RABGEF1: variants seen among roughly 807,000 people sequenced by gnomAD.
RABGEF1 encodes rab5 GDP/GTP exchange factor.
RABGEF1 carries 26 observed loss-of-function variants against 57.3 expected under a neutral mutation model. The observed-to-expected ratio is 0.45, with a 90% CI of 0.33 to 0.63. RABGEF1 has a LOEUF of 0.63. Among genes scored for constraint, RABGEF1 ranks in the 20% least tolerant of loss-of-function variants. The pLI is 0.02. For missense variants in RABGEF1, 464 were observed against 607.6 expected, an observed-to-expected ratio of 0.76 and a Z score of 2.48; for synonymous variants, 185 against 210.7, an observed-to-expected ratio of 0.88 and a Z score of 1.06.
chr7:66,687,188 C>T (rs1482579968), intron 1 of RABGEF1, among the ~76,000 whole-genome samples: 5 of 140,646 alleles, frequency 3.6e-5, no homozygotes, highest in Non-Finnish European at 6.0e-5. Flanking sequence ...TGCAGTTGCT[C>T]GATCTTGGCT....
chr7:66,805,734 G>T (rs567666300), intron 8 of RABGEF1, among the ~76,000 whole-genome samples: 8 of 151,482 alleles, frequency 5.3e-5, no homozygotes, highest in African/African-American at 1.9e-4. Context: ...CTGAATATTT[G>T]CCCCCTCATT....
At chr7:66,740,714 G>C (rs528059509), upstream of RABGEF1, 1 of 152,244 alleles carries the variant, frequency 6.6e-6, no homozygotes, top group East Asian at 1.9e-4. Context: ...GTGTGAGGCG[G>C]GAGCTGGCCG....
intron 2 of RABGEF1, among the ~76,000 whole-genome samples, chr7:66,724,505 G>A (rs1192307674): frequency 5.3e-5 from 8 of 152,034 alleles, no homozygotes; most frequent in African/African-American, 1.9e-4. Flanking sequence ...GATTACAGGC[G>A]CATGCCACTG....
the RABGEF1 span, among the ~76,000 whole-genome samples, chr7:66,676,436 A>G: frequency 6.6e-6 from 1 of 152,196 alleles, no homozygotes; most frequent in Admixed American, 6.6e-5. Context: ...CTGCTTATAA[A>G]AAGTTAGCCC....
chr7:66,774,248 T>G (rs1807967994), intron 2 of RABGEF1, among the ~76,000 whole-genome samples: 2 of 152,242 alleles, frequency 1.3e-5, no homozygotes, highest in African/African-American at 4.8e-5. Context: ...CAGGTGCTTA[T>G]TTTCTTTTAC....
rs1323784047 is a variant in RABGEF1, at chr7:66,809,512, A to G, written c.*228A>G. ...CAGATTCATTTAAGGCTTGTGTGCA[A>G]ATTTTGTCTCAATCTTTTTTCCCTC... On this transcript the variant is annotated 3_prime_UTR_variant, in exon 9 of 9. Transcript: ENST00000284957. The G allele has an allele frequency of 9.9e-6, 4 of 405,796 alleles. No individual in the cohort carries two copies. Among genetic ancestry groups the G allele is most frequent in the South Asian group, 1.6e-4 (2 of 12,882 alleles). 25.1% of individuals were successfully genotyped at this position (405,796 alleles called of 1,614,324 possible). A position where few individuals can be genotyped will look rare whatever the true frequency, so the allele number is the denominator to read the frequency against.
At chr7:66,687,386 A>G (rs1016113995) in intron 1 of RABGEF1, among the ~76,000 whole-genome samples, 1 of 151,500 alleles carries the variant, frequency 6.6e-6, no homozygotes, top group Non-Finnish European at 1.5e-5. Flanking sequence ...TCGGCCTCCC[A>G]GAGTGCTGAG....
chr7:66,789,871 TC>T (rs1437884078), intron 4 of RABGEF1, among the ~76,000 whole-genome samples: 1 of 152,082 alleles, frequency 6.6e-6, no homozygotes, highest in African/African-American at 2.4e-5. Flanking sequence ...TGGCATTGTC[TC>T]CCAGCCTTCT....
upstream of RABGEF1, among the ~76,000 whole-genome samples, chr7:66,680,271 A>T (rs1405610498): frequency 2.0e-5 from 3 of 151,070 alleles, no homozygotes; most frequent in Admixed American, 6.6e-5. Flanking sequence ...TTTGAGACAG[A>T]GTTTCGCTCT....
At chr7:66,799,533 T>G (rs1786804863) in intron 7 of RABGEF1, 119 bp downstream of exon 7, 3 of 771,394 alleles carry the variant, frequency 3.9e-6, no homozygotes, top group Non-Finnish European at 6.2e-6. Context: ...TGGAATGTAG[T>G]AAAAGTGATT....
At chr7:66,754,185 G>A (rs1200293732) in intron 1 of RABGEF1, among the ~76,000 whole-genome samples, 1 of 151,144 alleles carries the variant, frequency 6.6e-6, no homozygotes, top group Non-Finnish European at 1.5e-5. Flanking sequence ...TGTATTTTTA[G>A]TAGAGACGGG....
intron 3 of RABGEF1, among the ~76,000 whole-genome samples, chr7:66,776,606 A>G (rs1808615128): frequency 6.6e-6 from 1 of 152,178 alleles, no homozygotes; most frequent in African/African-American, 2.4e-5. Flanking sequence ...GAGGCAGGAG[A>G]ATCATTTGAA....
the RABGEF1 span, among the ~76,000 whole-genome samples, chr7:66,671,879 T>C: frequency 6.7e-6 from 1 of 149,262 alleles, no homozygotes; most frequent in Non-Finnish European, 1.5e-5. Flanking sequence ...TGCAGTGGCA[T>C]GAGCACAACT....
At chr7:66,741,868 T>C (rs918424839) in intron 1 of RABGEF1, among the ~76,000 whole-genome samples, 3 of 151,762 alleles carry the variant, frequency 2.0e-5, no homozygotes, top group African/African-American at 7.3e-5. Context: ...CCGGGTGCGG[T>C]GGCTCACGTC....
At chr7:66,681,016 G>T (rs967015497), upstream of RABGEF1, among the ~76,000 whole-genome samples, 1 of 151,898 alleles carries the variant, frequency 6.6e-6, no homozygotes, top group African/African-American at 2.4e-5. Context: ...CTAGGAGGCG[G>T]AGTTTGCAGT....
intron 1 of RABGEF1, among the ~76,000 whole-genome samples, chr7:66,710,047 T>G (rs1794596629): frequency 1.3e-5 from 2 of 152,234 alleles, no homozygotes; most frequent in Admixed American, 6.5e-5. Flanking sequence ...TCTTTTGCAC[T>G]AGCCCACCTA....
intron 1 of RABGEF1, among the ~76,000 whole-genome samples, chr7:66,690,222 T>C (rs1404834246): frequency 1.3e-5 from 2 of 150,006 alleles, no homozygotes; most frequent in Non-Finnish European, 3.0e-5. Flanking sequence ...TGCCTCAGCC[T>C]CCCAAGTAGC....
chr7:66,734,727 C>T (rs1400172049), intron 2 of RABGEF1, among the ~76,000 whole-genome samples: 1 of 151,886 alleles, frequency 6.6e-6, no homozygotes, highest in Non-Finnish European at 1.5e-5. Flanking sequence ...GCCACCGTGC[C>T]TGGCCCCAAA....
chr7:66,711,675 C>G (rs996409517), intron 1 of RABGEF1, among the ~76,000 whole-genome samples: 9 of 152,050 alleles, frequency 5.9e-5, no homozygotes, highest in Non-Finnish European at 1.2e-4. Context: ...CAAGCTCCGC[C>G]TCCTGGGTTC....
Sources: allele counts gnomAD v4.1 joint callset (sites outside exome capture counted in the v4.1 genomes callset), GRCh38; gene constraint gnomAD v4.1.1; transcripts MANE v1.5; gene names NCBI Gene and HGNC (gene_info 2026-07-23, HGNC 2026-07-21).